Variants in FRMD7 observed in about 807,000 individuals in gnomAD.
The protein encoded by FRMD7 is FERM domain-containing protein 7.
Under a neutral mutation model 44.1 loss-of-function variants are expected in FRMD7, and 14 were observed. That is an observed-to-expected ratio of 0.32 (90% confidence interval 0.21 to 0.50). The LOEUF is 0.50. FRMD7 is among the 20% of genes least tolerant of loss of function. The pLI is 0.99. For missense variants in FRMD7, 501 were observed against 522.3 expected, an observed-to-expected ratio of 0.96 and a Z score of 0.40; for synonymous variants, 212 against 187.4, an observed-to-expected ratio of 1.13 and a Z score of -1.07.
intron 5 of FRMD7, among the ~76,000 whole-genome samples, chrX:132,090,380 G>A (rs1280403938): frequency 9.0e-6 from 1 of 111,347 alleles, no homozygotes; most frequent in Non-Finnish European, 1.9e-5. Flanking sequence ...GCAAAAGAAA[G>A]GAACAAACTG....
intron 1 of FRMD7, among the ~76,000 whole-genome samples, chrX:132,102,022 C>T (rs1011526222): frequency 1.8e-5 from 2 of 111,083 alleles, no homozygotes; most frequent in African/African-American, 3.3e-5. Flanking sequence ...AAGCCAGGCG[C>T]GGGGAAATGT....
At chrX:132,123,622 G>A (rs1054881616) in intron 1 of FRMD7, among the ~76,000 whole-genome samples, 1 of 112,192 alleles carries the variant, frequency 8.9e-6, no homozygotes, top group African/African-American at 3.2e-5. Context: ...AAAAATCACT[G>A]TGCTTTGCTT....
Position 132,078,384 on chromosome X carries a change from G to A in FRMD7, c.1633C>T (p.Gln545Ter). 8.3e-7 allele frequency: 1 copy of A among 1,211,132 alleles called. No individual in the cohort carries two copies. Among genetic ancestry groups the A allele is most frequent in the Non-Finnish European group, 1.1e-6 (1 of 894,943 alleles). Residue 545 changes from glutamine (Q) to a stop codon, truncating the protein, a stop_gained, in exon 12 of 12, where the codon CAA becomes TAA. Coordinates refer to ENST00000298542, the MANE Select transcript of FRMD7 (RefSeq NM_194277.3). LOFTEE classifies it high-confidence loss of function. ...PRNIRMKSFQ[Q>*]DLQVLQEAIA... ...GCTTCTTGGAGTACTTGCAGGTCTT[G>A]CTGAAAGCTCTTCATTCTGATATTC...
chrX:132,121,001 T>C (rs1173580261), intron 1 of FRMD7, among the ~76,000 whole-genome samples: 1 of 111,688 alleles, frequency 9.0e-6, no homozygotes, highest in Non-Finnish European at 1.9e-5. Context: ...GTTTAGAAGC[T>C]CCTTCACTTG....
At chrX:132,099,633 G>T in intron 2 of FRMD7, 123 bp from the exon 3 acceptor site, 1 of 487,704 alleles carries the variant, frequency 2.1e-6, no homozygotes, top group Non-Finnish European at 3.6e-6. Flanking sequence ...ACTTCTAAAG[G>T]TAGAAACAAA....
chrX:132,093,807 G>C (rs764589240), intron 5 of FRMD7, among the ~76,000 whole-genome samples: 3 of 112,268 alleles, frequency 2.7e-5, no homozygotes, highest in Non-Finnish European at 3.8e-5. Flanking sequence ...GGCTGGACTG[G>C]GGTAGAAGAA....
chrX:132,082,976 GGTGTCACTCTGTTGC>G (rs1481072300), intron 8 of FRMD7, among the ~76,000 whole-genome samples: 6 of 111,934 alleles, frequency 5.4e-5, no homozygotes, highest in African/African-American at 1.9e-4. Flanking sequence ...CTTGAGACAA[GGTGTCACTCTGTTGC>G]CCAGGCTGAA....
chrX:132,082,250 A>T, intron 9 of FRMD7, 113 bp downstream of exon 9: 1 of 653,521 alleles, frequency 1.5e-6, no homozygotes. Flanking sequence ...GCAATCTTTG[A>T]TGTGATTGAA....
chrX:132,117,291 C>A (rs1928924613), intron 1 of FRMD7, among the ~76,000 whole-genome samples: 1 of 111,470 alleles, frequency 9.0e-6, no homozygotes, highest in South Asian at 3.8e-4. Context: ...AAGTGTGGCC[C>A]TGCCGTCATG....
At chrX:132,084,447 C>G (rs747204972) in intron 8 of FRMD7, 43 bp downstream of exon 8, 11 of 829,560 alleles carry the variant, frequency 1.3e-5, no homozygotes, top group Non-Finnish European at 2.0e-5. Flanking sequence ...AAAAAAATTC[C>G]CAGTGAACAG....
intron 5 of FRMD7, among the ~76,000 whole-genome samples, chrX:132,090,896 G>A (rs760317969): frequency 2.7e-5 from 3 of 110,720 alleles, no homozygotes; most frequent in Admixed American, 1.9e-4. Flanking sequence ...TATGACATAC[G>A]AATGAGTAAA....
intron 1 of FRMD7, among the ~76,000 whole-genome samples, chrX:132,116,768 A>G (rs1304334451): frequency 8.9e-6 from 1 of 111,832 alleles, no homozygotes; most frequent in Non-Finnish European, 1.9e-5. Context: ...ACCATGGCAC[A>G]CGTTTACCTA....
At chrX:132,086,669 A>G (rs1729715751) in intron 5 of FRMD7, among the ~76,000 whole-genome samples, 1 of 110,607 alleles carries the variant, frequency 9.0e-6, no homozygotes, top group Non-Finnish European at 1.9e-5. Flanking sequence ...AGGAAAAAAA[A>G]AAAAACAACT....
At chrX:132,121,810 A>T (rs376747108) in intron 1 of FRMD7, among the ~76,000 whole-genome samples, 1 of 111,756 alleles carries the variant, frequency 8.9e-6, no homozygotes, top group African/African-American at 3.2e-5. Flanking sequence ...AACAATTTAG[A>T]ATGTAGTAAA....
chrX:132,125,397 G>C lies in FRMD7; in HGVS notation c.57+2391C>G, dbSNP rs188385231. ...CCCTTATGCAACCAATTATTTTCTTGAATCTTATCTTGAAGGACAATTTTC... is the reference window on the plus strand; with the variant it reads ...CCCTTATGCAACCAATTATTTTCTTCAATCTTATCTTGAAGGACAATTTTC... On this transcript the variant is annotated intron_variant, in intron 1 of 11. Transcript: ENST00000298542. Among the ~76,000 whole-genome samples, 876 of 111,473 alleles carry C rather than the reference G, an allele frequency of 7.9e-3. 7 individuals carry two copies. The highest frequency in any genetic ancestry group is 0.014 in the Middle Eastern group (3 of 218).
chrX:132,110,484 T>G (rs1286763949), intron 1 of FRMD7, among the ~76,000 whole-genome samples: 1 of 111,816 alleles, frequency 8.9e-6, no homozygotes, highest in Non-Finnish European at 1.9e-5. Flanking sequence ...GCTCCCCTTT[T>G]GCCTTCTGCT....
At chrX:132,116,099 G>C (rs778126447) in intron 1 of FRMD7, among the ~76,000 whole-genome samples, 1 of 112,050 alleles carries the variant, frequency 8.9e-6, no homozygotes, top group East Asian at 2.8e-4. Flanking sequence ...TAACTTCCTA[G>C]AATGTTTTAT....
intron 4 of FRMD7, among the ~76,000 whole-genome samples, chrX:132,095,144 G>C (rs1928293431): frequency 1.9e-5 from 2 of 107,810 alleles, no homozygotes; most frequent in African/African-American, 3.4e-5. Flanking sequence ...ACCCAGGCTA[G>C]AGTGCAGTGG....
intron 7 of FRMD7, among the ~76,000 whole-genome samples, chrX:132,084,894 C>T (rs770210835): frequency 2.7e-5 from 3 of 111,587 alleles, no homozygotes; most frequent in South Asian, 7.5e-4. Flanking sequence ...CCATGTTTCC[C>T]GATTCATCTG....
Sources: gnomAD v4.1 joint callset for allele counts (sites outside exome capture counted in the v4.1 genomes callset) on GRCh38, gnomAD v4.1.1 for gene constraint, MANE v1.5 for transcripts, NCBI Gene and HGNC (gene_info 2026-07-23, HGNC 2026-07-21) for gene names.